Variants in LRRD1 observed in about 807,000 individuals in gnomAD.
LRRD1 encodes leucine rich repeats and death domain containing 1.
In LRRD1, 49 loss-of-function variants were observed where a neutral mutation model predicts 69.5. The ratio of observed to expected loss-of-function variants is 0.70; its 90% CI spans 0.56 to 0.89. The LOEUF (loss-of-function observed/expected upper bound fraction) is 0.89. LRRD1 is among the 40% of genes least tolerant of loss of function. The pLI is 0.00. For missense variants in LRRD1, 853 were observed against 956.0 expected (o/e 0.89, Z 1.42); for synonymous variants, 303 against 338.9 (o/e 0.89, Z 1.16).
chr7:92,159,020 G>T lies in LRRD1; in HGVS notation c.2101C>A (p.Gln701Lys). Residue 701 changes from glutamine (Q) to lysine (K), a missense_variant, in exon 3 of 6, where the codon CAA becomes AAA. Physicochemically the swap from Gln to Lys is moderately conservative, Grantham distance 53. Transcript: ENST00000458448. ...TGACACTCACCACTCAGGTTTAGTT[G>T]CTGCAGATCATTTAAAGATAGCAAA... ...PSLLSLNDLQQLNLSGNNLTA... is the reference protein window; with the variant it reads ...PSLLSLNDLQKLNLSGNNLTA... 1 of 1,544,238 alleles carries T rather than the reference G, an allele frequency of 6.5e-7. No homozygotes were observed. The highest frequency in any genetic ancestry group is 1.2e-5 in the South Asian group (1 of 82,250).
chr7:92,158,963 TCTA>T, intron 3 of LRRD1, 39 bp downstream of exon 3: 3 of 1,476,530 alleles, frequency 2.0e-6, no homozygotes, highest in Middle Eastern at 1.8e-4. Context: ...ACATTAATAC[TCTA>T]CTTATTGATT....
chr7:92,150,617 A>C lies in LRRD1; in HGVS notation c.2195T>G (p.Leu732Trp). The C allele has an allele frequency of 1.3e-6, 2 of 1,551,456 alleles. No homozygotes were observed. Among genetic ancestry groups the C allele is most frequent in the Non-Finnish European group, 1.7e-6 (2 of 1,146,732 alleles). Residue 732 changes from leucine to tryptophan, a missense_variant, in exon 4 of 6, where the codon TTG becomes TGG. Leu to Trp is a moderately conservative substitution (Grantham distance 61). Coordinates refer to ENST00000458448, the MANE Select transcript of LRRD1 (RefSeq NM_001161528.2). Reference protein sequence around the residue: ...LKEINFDDNPLLRPPVEICKG... With the variant: ...LKEINFDDNPWLRPPVEICKG... ...ACAGATTTCCACTGGAGGTCTCAGC[A>C]AAGGGTTGTCATCAAAATTTATCTC...
chr7:92,162,608 A>G (rs1257622547), intron 2 of LRRD1, among the ~76,000 whole-genome samples: 2 of 152,206 alleles, frequency 1.3e-5, no homozygotes, highest in African/African-American at 4.8e-5. Flanking sequence ...TCTTCAGGAA[A>G]AATTTCCTAA....
chr7:92,143,851 G>A (rs1229348309), downstream of LRRD1, among the ~76,000 whole-genome samples: 2 of 152,260 alleles, frequency 1.3e-5, no homozygotes, highest in East Asian at 1.9e-4. Flanking sequence ...GAGAGCGAGC[G>A]AGGGCTGTGA....
At position 92,164,609 on chromosome 7, in the gene LRRD1, A is replaced by G. The variant is rs1334944111; in HGVS notation, c.594T>C (p.Asn198=). The change falls in exon 2 of 6, where the codon AAT becomes AAC. Residue 198 remains asparagine, a synonymous_variant. Coordinates refer to ENST00000458448, the MANE Select transcript of LRRD1 (RefSeq NM_001161528.2). ...TTTCAGATGGAAGTGATGATAATCC[A>G]TTTTCTTGCAGGGATAGAATTTCAA... ...LGLEILSLQE[N]GLSSLPSEIQ... is the part of the protein sequence containing the mutation. The G allele has an allele frequency of 1.9e-6, 3 of 1,551,596 alleles. No homozygotes were observed. Among genetic ancestry groups the G allele is most frequent in the Non-Finnish European group, 2.6e-6 (3 of 1,146,846 alleles).
downstream of LRRD1, chr7:92,142,760 C>A (rs928644468): frequency 6.8e-6 from 3 of 441,646 alleles, no homozygotes; most frequent in Non-Finnish European, 1.3e-5. Flanking sequence ...CTTAAGGCGG[C>A]GCGTCTGGAG....
intron 1 of LRRD1, among the ~76,000 whole-genome samples, chr7:92,176,585 A>T (rs1422446458): frequency 1.3e-5 from 2 of 148,466 alleles, no homozygotes; most frequent in African/African-American, 2.5e-5. Context: ...TTTTTTTGAG[A>T]CAAAGTCTTG....
intron 4 of LRRD1, chr7:92,150,035 G>T: frequency 2.8e-6 from 1 of 361,558 alleles, no homozygotes; most frequent in South Asian, 2.1e-5. Context: ...GCCTCAATTT[G>T]TGTGGACCTG....
intron 1 of LRRD1, among the ~76,000 whole-genome samples, chr7:92,168,126 AG>A (rs1479914830): frequency 6.6e-6 from 1 of 152,108 alleles, no homozygotes; most frequent in Non-Finnish European, 1.5e-5. Context: ...AAGACCGCAA[AG>A]GTGAAAAAAT....
chr7:92,173,444 C>T (rs940680325), intron 1 of LRRD1, among the ~76,000 whole-genome samples: 1 of 152,128 alleles, frequency 6.6e-6, no homozygotes, highest in Admixed American at 6.5e-5. Context: ...TTGCAAACTA[C>T]CCATCTGACA....
Position 92,163,274 on chromosome 7 carries a change from C to A in LRRD1, c.1917+12G>T. The A allele has an allele frequency of 7.0e-7, 1 of 1,419,978 alleles. No individual in the cohort carries two copies. The highest frequency in any genetic ancestry group is 9.3e-7 in the Non-Finnish European group (1 of 1,080,592). The allele number at this position is 1,419,978 out of a possible 1,614,324, so 88.0% of individuals were successfully genotyped here. ...CTCCTTCCCCACAAAGCCCACAATA[C>A]CAGTCTCTTACCTTTCTCCCTTTTA... On this transcript the variant is annotated intron_variant, in intron 2 of 5. Coordinates refer to ENST00000458448, the MANE Select transcript of LRRD1 (RefSeq NM_001161528.2).
Position 92,164,156 on chromosome 7 carries a change from G to C in LRRD1, c.1047C>G (p.Leu349=). The change falls in exon 2 of 6, where the codon CTC becomes CTG. Residue 349 remains leucine, a synonymous_variant. Coordinates refer to ENST00000458448, the MANE Select transcript of LRRD1 (RefSeq NM_001161528.2). ...CGGCCAGTTGGAGTTCTTTTATTTT[G>C]AGTAACTGAAAAATTTCTACAGCCA... ...TFLAVEIFQL[L]KIKELQLADN... 1.3e-6 allele frequency: 2 copies of C among 1,547,602 alleles called. No homozygotes were observed. The highest frequency in any genetic ancestry group is 1.2e-5 in the South Asian group (1 of 83,278).
intron 3 of LRRD1, among the ~76,000 whole-genome samples, 155 bp from the exon 4 acceptor site, chr7:92,150,850 A>T (rs550833223): frequency 6.6e-6 from 1 of 152,344 alleles, no homozygotes; most frequent in African/African-American, 2.4e-5. Flanking sequence ...CTAAGAGCAA[A>T]AAAGAGTGTT....
chr7:92,164,226 T>C lies in LRRD1; in HGVS notation c.977A>G (p.Lys326Arg). The change falls in exon 2 of 6, where the codon AAA (lysine) becomes AGA (arginine). Residue 326 changes from lysine (K) to arginine (R), a missense_variant. This residue lies in a region of LRRD1 where 739 missense variants were observed against 808.0 expected (regional missense o/e 0.91). Coordinates refer to ENST00000458448, the MANE Select transcript of LRRD1 (RefSeq NM_001161528.2). ...SSLPKEIREL[K>R]NLETLLMDHN... Reference sequence around the variant, plus strand: ...ATCCATTAAAAGTGTTTCTAAATTTTTAAGCTCTCTAATTTCTTTTGGCAA... The same window carrying C: ...ATCCATTAAAAGTGTTTCTAAATTTCTAAGCTCTCTAATTTCTTTTGGCAA... The C allele has an allele frequency of 6.5e-7, 1 of 1,549,768 alleles. No homozygotes were observed.
chr7:92,164,726 G>T lies in LRRD1; in HGVS notation c.477C>A (p.Asp159Glu). 6.4e-7 allele frequency: 1 copy of T among 1,550,772 alleles called. No individual in the cohort carries two copies. The highest frequency in any genetic ancestry group is 8.7e-7 in the Non-Finnish European group (1 of 1,146,600). ...EAKGLQEFPK[D>E]ILKIKYVKYL... The stretch of plus-strand genomic sequence containing the variant: ...ATTTTACATATTTGATTTTTAAAAT[G>T]TCCTTAGGAAATTCCTGTAAACCCT... The change falls in exon 2 of 6, where the codon GAC (aspartate) becomes GAA (glutamate). Residue 159 changes from aspartate (D) to glutamate (E), a missense_variant. By Grantham distance (45) the Asp-to-Glu change is conservative. Around this residue, in one of 3 missense-constraint regions of LRRD1, gnomAD observed 739 missense variants for 808.0 expected, o/e 0.91. Coordinates refer to ENST00000458448, the MANE Select transcript of LRRD1 (RefSeq NM_001161528.2).
chr7:92,159,704 C>A (rs1411943776), intron 2 of LRRD1, among the ~76,000 whole-genome samples: 1 of 151,476 alleles, frequency 6.6e-6, no homozygotes, highest in East Asian at 1.9e-4. Flanking sequence ...TCACTGCAAC[C>A]TCTGCCTACC....
downstream of LRRD1, chr7:92,142,771 T>A: frequency 2.3e-6 from 1 of 443,870 alleles, no homozygotes; most frequent in Non-Finnish European, 4.5e-6. Flanking sequence ...GCGTCTGGAG[T>A]TGTTCCTTTC....
intron 3 of LRRD1, among the ~76,000 whole-genome samples, chr7:92,158,405 GTGTATATA>G (rs1244230776): frequency 4.0e-5 from 6 of 151,898 alleles, no homozygotes; most frequent in African/African-American, 1.2e-4. Context: ...GTGTATATAT[GTGTATATA>G]TGTATATATG....
At chr7:92,167,437 G>A (rs1347126064) in intron 1 of LRRD1, among the ~76,000 whole-genome samples, 1 of 151,650 alleles carries the variant, frequency 6.6e-6, no homozygotes, top group African/African-American at 2.4e-5. Context: ...TTGATATAAG[G>A]GGAAGATAGA....
Sources: allele counts gnomAD v4.1 joint callset (sites outside exome capture counted in the v4.1 genomes callset), GRCh38; gene constraint gnomAD v4.1.1; regional missense constraint gnomAD v4.1.1; transcripts MANE v1.5; gene names NCBI Gene and HGNC (gene_info 2026-07-23, HGNC 2026-07-21).